Variants in CYTH3 observed in about 807,000 individuals in gnomAD.
CYTH3 encodes the protein cytohesin-3.
Under a neutral mutation model 55.1 loss-of-function variants are expected in CYTH3, and 23 were observed. The ratio of observed to expected loss-of-function variants is 0.42; its 90% CI spans 0.30 to 0.59. The LOEUF (loss-of-function observed/expected upper bound fraction) is 0.59, where lower values mean the gene tolerates loss of function less well. Ranked by LOEUF, CYTH3 falls within the 20% of genes least tolerant of loss-of-function variation. The pLI is 0.20. For missense variants in CYTH3, 413 were observed against 524.8 expected (o/e 0.79, Z 2.08); for synonymous variants, 249 against 194.9 (o/e 1.28, Z -2.31).
At chr7:6,236,969 G>A (rs1321262742) in intron 1 of CYTH3, among the ~76,000 whole-genome samples, 1 of 152,190 alleles carries the variant, frequency 6.6e-6, no homozygotes, top group East Asian at 1.9e-4. Context: ...AGACTCTCAT[G>A]GTCAGTAGGC....
chr7:6,206,693 A>G (rs1784195266), intron 1 of CYTH3, among the ~76,000 whole-genome samples: 1 of 152,232 alleles, frequency 6.6e-6, no homozygotes. Flanking sequence ...CCTGAAAAAG[A>G]CACTGAAATA....
chr7:6,185,486 G>C (rs1403104713), intron 4 of CYTH3, among the ~76,000 whole-genome samples: 8 of 152,108 alleles, frequency 5.3e-5, no homozygotes, highest in African/African-American at 1.9e-4. Flanking sequence ...CACAAGGTCA[G>C]GAGATCGAGA....
rs1445093703 is a variant in CYTH3 at position 6,171,092 on chromosome 7, G to A, written c.562+110C>T. The A allele has an allele frequency of 6.3e-7, 1 of 1,583,178 alleles. No individual in the cohort carries two copies. The highest frequency in any genetic ancestry group is 1.7e-5 in the Admixed American group (1 of 58,614). The stretch of plus-strand genomic sequence containing the variant: ...CCGGCCCACAGGTCGTCCTCGCTCA[G>A]GGAAGGCAGGTCCCCAGGAACACAC... On this transcript the variant is annotated intron_variant, in intron 7 of 12. Coordinates refer to ENST00000350796, the MANE Select transcript of CYTH3 (RefSeq NM_004227.4). This position sits in a 1 kb window ranked among gnomAD's most constrained non-coding sequence, Gnocchi z 6.7.
At position 6,272,576 on chromosome 7, in the gene CYTH3, C is replaced by T; in HGVS notation, c.-69G>A. 1 of 1,138,302 alleles carries T rather than the reference C, an allele frequency of 8.8e-7. No homozygotes were observed. Among genetic ancestry groups the T allele is most frequent in the Non-Finnish European group, 1.1e-6 (1 of 926,464 alleles). 70.5% of individuals were successfully genotyped at this position (1,138,302 alleles called of 1,614,324 possible). ...GAGGGGCCGCGGGCTGGGGACGCCG[C>T]CGGAGGGAGCGCGCAGGCGACCGGG... On this transcript the variant is annotated 5_prime_UTR_variant, in exon 1 of 13. Transcript: ENST00000350796.
At chr7:6,181,235 A>C (rs1028645150) in intron 4 of CYTH3, among the ~76,000 whole-genome samples, 2 of 152,192 alleles carry the variant, frequency 1.3e-5, no homozygotes, top group African/African-American at 4.8e-5. Context: ...TTTGACATTC[A>C]AAGTTTTGCT....
At chr7:6,267,813 C>A (rs1231492197) in intron 1 of CYTH3, among the ~76,000 whole-genome samples, 1 of 152,130 alleles carries the variant, frequency 6.6e-6, no homozygotes, top group Non-Finnish European at 1.5e-5. Context: ...TGAGCCATTG[C>A]GCCCAGCTGT....
chr7:6,256,838 C>T (rs71531370), intron 1 of CYTH3, among the ~76,000 whole-genome samples: 7,629 of 152,286 alleles, frequency 0.05, 287 homozygotes, highest in Non-Finnish European at 0.076. Flanking sequence ...GACTCTGCTC[C>T]CTCTGAGAGC....
At chr7:6,238,016 G>A (rs1290667248) in intron 1 of CYTH3, among the ~76,000 whole-genome samples, 1 of 152,102 alleles carries the variant, frequency 6.6e-6, no homozygotes, top group Admixed American at 6.5e-5. Context: ...AAAGATACCA[G>A]GGTCCCCACT....
chr7:6,232,927 C>T (rs1779424967), intron 1 of CYTH3, among the ~76,000 whole-genome samples: 1 of 152,086 alleles, frequency 6.6e-6, no homozygotes, highest in African/African-American at 2.4e-5. Flanking sequence ...TTTGGTACTC[C>T]TGACCCCCAC....
intron 6 of CYTH3, chr7:6,172,880 CA>C: frequency 2.4e-6 from 3 of 1,252,764 alleles, no homozygotes; most frequent in Non-Finnish European, 2.1e-6. Flanking sequence ...GAGGGTCCCA[CA>C]AAAACGCTGC....
chr7:6,263,552 T>G (rs1780409341), intron 1 of CYTH3, among the ~76,000 whole-genome samples: 1 of 152,006 alleles, frequency 6.6e-6, no homozygotes, highest in Non-Finnish European at 1.5e-5. Flanking sequence ...ATCCCAGAAT[T>G]TGGAAGGCCG....
intron 1 of CYTH3, among the ~76,000 whole-genome samples, chr7:6,221,134 C>G (rs575484587): frequency 6.6e-6 from 1 of 152,226 alleles, no homozygotes; most frequent in East Asian, 1.9e-4. Context: ...CTCGTAATAT[C>G]CTAAGACTGG....
intron 4 of CYTH3, among the ~76,000 whole-genome samples, chr7:6,183,245 A>C (rs1056614331): frequency 6.6e-5 from 10 of 152,196 alleles, no homozygotes; most frequent in Non-Finnish European, 1.5e-5. Flanking sequence ...GGGAACTCTG[A>C]AGCTGCTCTT....
intron 1 of CYTH3, among the ~76,000 whole-genome samples, chr7:6,213,814 C>T (rs1784372057): frequency 6.6e-6 from 1 of 152,016 alleles, no homozygotes; most frequent in African/African-American, 2.4e-5. Context: ...GAACCCATCA[C>T]AGGGGCCCAG....
chr7:6,190,941 G>A (rs1449945689), intron 1 of CYTH3, among the ~76,000 whole-genome samples: 2 of 152,068 alleles, frequency 1.3e-5, no homozygotes, highest in African/African-American at 2.4e-5. Flanking sequence ...GCTGGGTGTG[G>A]TGACGCATGC....
chr7:6,228,225 G>A (rs17136085), intron 1 of CYTH3, among the ~76,000 whole-genome samples: 320 of 151,954 alleles, frequency 2.1e-3, no homozygotes, highest in Non-Finnish European at 3.6e-3. Flanking sequence ...AAGTTAAAGA[G>A]AATGATCATA....
chr7:6,213,546 G>T (rs1254034146), intron 1 of CYTH3, among the ~76,000 whole-genome samples: 1 of 151,862 alleles, frequency 6.6e-6, no homozygotes, highest in Admixed American at 6.6e-5. Flanking sequence ...TTGTTTGTTT[G>T]TTTGTTTGGT....
chr7:6,203,869 C>T (rs1784119868), intron 1 of CYTH3, among the ~76,000 whole-genome samples: 1 of 152,010 alleles, frequency 6.6e-6, no homozygotes, highest in African/African-American at 2.4e-5. Context: ...CAGGCGCCTG[C>T]CACCATGCCC....
chr7:6,195,582 G>A (rs1783905610), intron 1 of CYTH3, among the ~76,000 whole-genome samples: 1 of 152,050 alleles, frequency 6.6e-6, no homozygotes. Context: ...AGCCTCCCAA[G>A]TAGCTGGGAT....
Sources: allele counts gnomAD v4.1 joint callset (sites outside exome capture counted in the v4.1 genomes callset), GRCh38; gene constraint gnomAD v4.1.1; non-coding constraint Gnocchi (gnomAD v3.1); transcripts MANE v1.5; gene names NCBI Gene and HGNC (gene_info 2026-07-23, HGNC 2026-07-21).